Variants in TMEM132D observed in about 807,000 individuals in gnomAD.
The protein encoded by TMEM132D is transmembrane protein 132D, also known as mature OL transmembrane protein.
A neutral mutation model predicts 62.3 loss-of-function variants in TMEM132D; 21 were observed. The ratio of observed to expected loss-of-function variants is 0.34; its 90% CI spans 0.24 to 0.49. The LOEUF (loss-of-function observed/expected upper bound fraction) is 0.49. Ranked by LOEUF, TMEM132D falls within the 20% of genes least tolerant of loss-of-function variation. The pLI is 0.99. For synonymous variants in TMEM132D, 621 were observed against 575.6 expected (o/e 1.08, Z -1.13); for missense variants, 1,346 against 1,402.8 (o/e 0.96, Z 0.65).
Position 129,796,091 on chromosome 12 carries a change from T to C in TMEM132D, c.80-95393A>G, listed in dbSNP as rs1446831056. 2.6e-5 allele frequency among the ~76,000 whole-genome samples: 4 copies of C among 152,182 alleles called. No individual in the cohort carries two copies. In the East Asian group the frequency reaches 5.8e-4, roughly 22 times the overall value. On this transcript the variant is annotated intron_variant, in intron 1 of 8. Coordinates refer to ENST00000422113, the MANE Select transcript of TMEM132D (RefSeq NM_133448.3). ...GGCTCACACCTTTAATCCCAGCACT[T>C]TGGGAGGCTGAGGAGGGTGGGTTGC... is the stretch of plus-strand genomic sequence containing the variant.
intron 1 of TMEM132D, among the ~76,000 whole-genome samples, chr12:129,834,367 G>A (rs1872936566): frequency 1.3e-5 from 2 of 152,104 alleles, no homozygotes; most frequent in Admixed American, 6.5e-5. Context: ...TCAAGATAAT[G>A]GCAACCAAAC....
intron 3 of TMEM132D, among the ~76,000 whole-genome samples, chr12:129,417,631 A>T (rs1285406410): frequency 6.6e-6 from 1 of 152,238 alleles, no homozygotes; most frequent in East Asian, 1.9e-4. Context: ...CATTCAGGAC[A>T]TAGGCATGGG....
intron 2 of TMEM132D, among the ~76,000 whole-genome samples, chr12:129,583,750 CA>C (rs1191749576): frequency 1.3e-5 from 2 of 152,150 alleles, no homozygotes; most frequent in Non-Finnish European, 2.9e-5. Context: ...CCCTTGGAGA[CA>C]TAAATGGCGA....
intron 1 of TMEM132D, among the ~76,000 whole-genome samples, chr12:129,841,550 T>C (rs1873195255): frequency 6.6e-6 from 1 of 152,170 alleles, no homozygotes; most frequent in Admixed American, 6.5e-5. Context: ...TCTGTAATAG[T>C]AATGAGGTGC....
At chr12:129,663,529 T>C (rs1221959490) in intron 2 of TMEM132D, among the ~76,000 whole-genome samples, 1 of 152,196 alleles carries the variant, frequency 6.6e-6, no homozygotes, top group African/African-American at 2.4e-5. Context: ...TATTGAATCA[T>C]GCAGTCAACC....
chr12:129,801,678 G>C (rs1199513592), intron 1 of TMEM132D, among the ~76,000 whole-genome samples: 2 of 151,946 alleles, frequency 1.3e-5, no homozygotes, highest in Non-Finnish European at 2.9e-5. Context: ...ACGGAACAAA[G>C]CTGGTTGGAG....
chr12:129,665,452 A>G (rs1254995571), intron 2 of TMEM132D, among the ~76,000 whole-genome samples: 1 of 152,114 alleles, frequency 6.6e-6, no homozygotes, highest in Non-Finnish European at 1.5e-5. Flanking sequence ...ACGAAACCAG[A>G]CAAAAGGCCA....
intron 2 of TMEM132D, among the ~76,000 whole-genome samples, chr12:129,536,763 T>TA (rs777378226): frequency 6.6e-6 from 1 of 152,210 alleles, no homozygotes; most frequent in Non-Finnish European, 1.5e-5. Flanking sequence ...TATAGCCAGT[T>TA]AAAGACCAAC....
intron 3 of TMEM132D, among the ~76,000 whole-genome samples, chr12:129,516,924 GC>G (rs1875699323): frequency 6.6e-6 from 1 of 152,012 alleles, no homozygotes; most frequent in Non-Finnish European, 1.5e-5. Flanking sequence ...TTGGCTCCTG[GC>G]CCCTTCCTCA....
chr12:129,879,819 C>T (rs541981496), intron 1 of TMEM132D, among the ~76,000 whole-genome samples: 126 of 152,078 alleles, frequency 8.3e-4, no homozygotes, highest in South Asian at 3.1e-3. Flanking sequence ...AATGGAAATA[C>T]TGAAAAAGAA....
chr12:129,513,570 C>T (rs1259569990), intron 3 of TMEM132D, among the ~76,000 whole-genome samples: 1 of 151,770 alleles, frequency 6.6e-6, no homozygotes, highest in Non-Finnish European at 1.5e-5. Context: ...CTGCAAGCTT[C>T]GCCTCCCGGG....
intron 5 of TMEM132D, among the ~76,000 whole-genome samples, chr12:129,163,025 G>A (rs1877444406): frequency 6.6e-6 from 1 of 152,206 alleles, no homozygotes; most frequent in Non-Finnish European, 1.5e-5. Context: ...AACAGCAGCA[G>A]GGAACCTCCG....
intron 5 of TMEM132D, among the ~76,000 whole-genome samples, chr12:129,105,398 TG>T (rs1221907907): frequency 1.7e-5 from 1 of 60,028 alleles, no homozygotes; most frequent in Non-Finnish European, 3.0e-5. Flanking sequence ...CGTTGTGGGG[TG>T]GGGGGAGGGG....
chr12:129,354,133 C>T (rs573735355), intron 3 of TMEM132D, among the ~76,000 whole-genome samples: 35 of 152,148 alleles, frequency 2.3e-4, no homozygotes, highest in African/African-American at 8.2e-4. Context: ...CAGACAAGGA[C>T]CCTGTCCTTC....
At chr12:129,771,740 T>TTA (rs1870760936) in intron 1 of TMEM132D, among the ~76,000 whole-genome samples, 1 of 152,264 alleles carries the variant, frequency 6.6e-6, no homozygotes, top group Non-Finnish European at 1.5e-5. Context: ...GGACATTTAC[T>TTA]ACCCTTGCCT....
At chr12:129,345,942 G>T (rs10773637) in intron 3 of TMEM132D, among the ~76,000 whole-genome samples, 64,309 of 152,020 alleles carry the variant, frequency 0.42, 14,150 homozygotes, top group East Asian at 0.68. Flanking sequence ...TCAGGATGAT[G>T]CTGGTTTCAT....
At chr12:129,166,179 G>A (rs181663315) in intron 5 of TMEM132D, among the ~76,000 whole-genome samples, 1 of 152,298 alleles carries the variant, frequency 6.6e-6, no homozygotes, top group African/African-American at 2.4e-5. Flanking sequence ...GCTTAGGCAG[G>A]TAAAAATAAG....
intron 2 of TMEM132D, among the ~76,000 whole-genome samples, chr12:129,629,144 C>T (rs1229649244): frequency 2.6e-5 from 4 of 152,084 alleles, no homozygotes; most frequent in East Asian, 3.9e-4. Context: ...GGTGCCTTTG[C>T]ACCTGCCACT....
intron 1 of TMEM132D, among the ~76,000 whole-genome samples, chr12:129,872,507 C>T (rs181842425): frequency 2.6e-5 from 4 of 152,266 alleles, no homozygotes; most frequent in African/African-American, 4.8e-5. Flanking sequence ...TGCAGAATAA[C>T]GTTAAGAACT....
Sources: allele counts gnomAD v4.1 joint callset (sites outside exome capture counted in the v4.1 genomes callset), GRCh38; gene constraint gnomAD v4.1.1; transcripts MANE v1.5; gene names NCBI Gene and HGNC (gene_info 2026-07-23, HGNC 2026-07-21).